SPATA16: variants seen among roughly 807,000 people sequenced by gnomAD.
The protein encoded by SPATA16 is spermatogenesis-associated protein 16.
SPATA16 carries 36 observed loss-of-function variants against 63.3 expected under a neutral mutation model. The observed-to-expected ratio is 0.57, with a 90% confidence interval of 0.44 to 0.75. SPATA16 has a LOEUF of 0.75. Among genes scored for constraint, SPATA16 ranks in the 30% least tolerant of loss-of-function variants. The probability of loss-of-function intolerance (pLI) is 0.00; values close to 1 mark genes in which losing one functional copy is unlikely to be tolerated. For synonymous variants in SPATA16, 203 were observed against 216.7 expected (o/e 0.94, Z 0.56); for missense variants, 646 against 679.3 (o/e 0.95, Z 0.54).
At chr3:172,967,494 A>G (rs1234520957) in intron 5 of SPATA16, among the ~76,000 whole-genome samples, 1 of 152,156 alleles carries the variant, frequency 6.6e-6, no homozygotes, top group Non-Finnish European at 1.5e-5. Context: ...TGTTATTTTC[A>G]TAGTGATGGG....
intron 1 of SPATA16, among the ~76,000 whole-genome samples, chr3:173,124,831 T>C (rs997169766): frequency 2.6e-5 from 4 of 152,106 alleles, no homozygotes; most frequent in Admixed American, 6.6e-5. Context: ...TCCTTTTCTC[T>C]TCCACCAAGA....
intron 2 of SPATA16, among the ~76,000 whole-genome samples, chr3:173,104,902 T>C (rs138031791): frequency 2.1e-4 from 32 of 152,312 alleles, no homozygotes; most frequent in Non-Finnish European, 4.3e-4. Flanking sequence ...ATTTTGCATT[T>C]CCCTTAGGCT....
intron 6 of SPATA16, among the ~76,000 whole-genome samples, chr3:172,949,029 T>C (rs1577101969): frequency 6.6e-6 from 1 of 152,152 alleles, no homozygotes; most frequent in Non-Finnish European, 1.5e-5. Flanking sequence ...CTCTGAACTT[T>C]AGGACATTAG....
At chr3:172,984,325 G>A (rs1298798082) in intron 4 of SPATA16, among the ~76,000 whole-genome samples, 1 of 152,144 alleles carries the variant, frequency 6.6e-6, no homozygotes. Context: ...TCTGGTAATA[G>A]TTGTTGCTCA....
At chr3:172,938,047 C>T (rs1400381270) in intron 6 of SPATA16, among the ~76,000 whole-genome samples, 2 of 152,104 alleles carry the variant, frequency 1.3e-5, no homozygotes, top group African/African-American at 4.8e-5. Context: ...ATGCAAGCCA[C>T]GTAAGATTGG....
chr3:172,921,014 C>A (rs375682711), intron 8 of SPATA16, among the ~76,000 whole-genome samples: 1 of 151,260 alleles, frequency 6.6e-6, no homozygotes, highest in Non-Finnish European at 1.5e-5. Flanking sequence ...TGGTATGAGG[C>A]AAAGTATATT....
chr3:173,139,946 C>T lies in SPATA16; in HGVS notation c.-19+1157G>A, dbSNP rs367575921. ...GTTGCAGTGAGCCAAGAAGGCACCA[C>T]GGCACTCCAGCCTGGGTGACAGAGC... On this transcript the variant is annotated intron_variant, in intron 1 of 10. Coordinates refer to ENST00000351008, the MANE Select transcript of SPATA16 (RefSeq NM_031955.6). Among the ~76,000 whole-genome samples, 176 of 152,120 alleles carry T rather than the reference C, an allele frequency of 1.2e-3. 1 individual carries two copies. Among genetic ancestry groups the T allele is most frequent in the African/African-American group, 4.0e-3 (167 of 41,472 alleles).
At chr3:173,036,677 A>T (rs940049831) in intron 3 of SPATA16, among the ~76,000 whole-genome samples, 7 of 152,052 alleles carry the variant, frequency 4.6e-5, no homozygotes, top group African/African-American at 1.7e-4. Context: ...TGAAAAGACT[A>T]TTCAAATTAT....
intron 6 of SPATA16, among the ~76,000 whole-genome samples, chr3:172,950,717 G>A (rs1577102745): frequency 6.6e-6 from 1 of 152,098 alleles, no homozygotes; most frequent in African/African-American, 2.4e-5. Flanking sequence ...TCAATGAAAA[G>A]TAATTTTTAA....
chr3:173,105,444 A>T (rs1737597126), intron 2 of SPATA16, among the ~76,000 whole-genome samples: 1 of 152,180 alleles, frequency 6.6e-6, no homozygotes, highest in Admixed American at 6.5e-5. Flanking sequence ...ATTTCCTCAA[A>T]ACCTCGAGTC....
intron 6 of SPATA16, among the ~76,000 whole-genome samples, chr3:172,931,399 C>T (rs1018683109): frequency 6.6e-6 from 1 of 152,134 alleles, no homozygotes; most frequent in South Asian, 2.1e-4. Flanking sequence ...TGCCCCCATG[C>T]CCAGTTAATA....
At chr3:173,125,674 A>G (rs62282613) in intron 1 of SPATA16, among the ~76,000 whole-genome samples, 1,796 of 149,140 alleles carry the variant, frequency 0.012, 22 homozygotes, top group Middle Eastern at 0.031. Flanking sequence ...CTGATGAACT[A>G]GAGTAATCAG....
intron 2 of SPATA16, among the ~76,000 whole-genome samples, chr3:173,076,263 A>G (rs968998373): frequency 1.3e-5 from 2 of 152,182 alleles, no homozygotes; most frequent in African/African-American, 2.4e-5. Context: ...GTTTATGTGC[A>G]TATTTAAAGA....
intron 1 of SPATA16, among the ~76,000 whole-genome samples, chr3:173,133,936 A>G (rs1050001701): frequency 6.6e-6 from 1 of 152,184 alleles, no homozygotes; most frequent in Non-Finnish European, 1.5e-5. Context: ...ACTTTTACCA[A>G]AATTAACCAT....
chr3:173,088,697 A>G (rs1737148349), intron 2 of SPATA16, among the ~76,000 whole-genome samples: 1 of 152,218 alleles, frequency 6.6e-6, no homozygotes, highest in African/African-American at 2.4e-5. Context: ...TGAGTAAAGG[A>G]GCTAAGGACT....
chr3:173,014,950 C>G (rs1466315921), intron 4 of SPATA16, among the ~76,000 whole-genome samples: 1 of 152,184 alleles, frequency 6.6e-6, no homozygotes, highest in Non-Finnish European at 1.5e-5. Flanking sequence ...TGGTCTGATA[C>G]ACACATCATC....
chr3:172,960,660 A>C (rs1733727490), intron 5 of SPATA16, among the ~76,000 whole-genome samples: 1 of 152,162 alleles, frequency 6.6e-6, no homozygotes. Flanking sequence ...AGGAGGAGAG[A>C]TATTCCGTCA....
At chr3:172,950,778 T>G (rs1438011803) in intron 6 of SPATA16, among the ~76,000 whole-genome samples, 1 of 152,106 alleles carries the variant, frequency 6.6e-6, no homozygotes, top group Non-Finnish European at 1.5e-5. Context: ...ATATTTACTC[T>G]TGGGATTTAA....
intron 2 of SPATA16, among the ~76,000 whole-genome samples, chr3:173,050,813 A>G (rs891406817): frequency 1.6e-4 from 24 of 152,220 alleles, no homozygotes; most frequent in African/African-American, 5.1e-4. Flanking sequence ...ATACACTGGA[A>G]ATGACCTCAG....
Sources: allele counts gnomAD v4.1 joint callset (sites outside exome capture counted in the v4.1 genomes callset), GRCh38; gene constraint gnomAD v4.1.1; transcripts MANE v1.5; gene names NCBI Gene and HGNC (gene_info 2026-07-23, HGNC 2026-07-21).